The following LIPC variants were observed in gnomAD, a reference collection of about 807,000 sequenced individuals.
LIPC encodes lipase C, hepatic type.
LIPC carries 44 observed loss-of-function variants against 50.7 expected under a neutral mutation model. The observed-to-expected ratio is 0.87, with a 90% CI of 0.68 to 1.11. LIPC has a LOEUF of 1.11. LIPC is among the 50% of genes most tolerant of loss of function. The pLI is 0.00. For missense variants in LIPC, 697 were observed against 648.2 expected (o/e 1.08, Z -0.82); for synonymous variants, 271 against 256.4 (o/e 1.06, Z -0.54).
chr15:58,542,290 T>C (rs903094845), intron 3 of LIPC, among the ~76,000 whole-genome samples: 1 of 152,136 alleles, frequency 6.6e-6, no homozygotes, highest in South Asian at 2.1e-4. Context: ...ATCACTTCTG[T>C]AGGGCATTAG....
intron 1 of LIPC, chr15:58,533,321 T>C (rs1377673614): frequency 8.5e-6 from 2 of 236,224 alleles, no homozygotes; most frequent in Non-Finnish European, 1.4e-5. Context: ...CAAATAAGAC[T>C]GCTGGAAAAG....
chr15:58,437,478 A>G (rs1366145336), intron 1 of LIPC, among the ~76,000 whole-genome samples: 2 of 152,228 alleles, frequency 1.3e-5, no homozygotes, highest in Non-Finnish European at 2.9e-5. Context: ...GATTCTAAGT[A>G]TATTTAAAGA....
intron 1 of LIPC, among the ~76,000 whole-genome samples, chr15:58,449,524 G>T (rs1217209764): frequency 1.3e-5 from 2 of 151,808 alleles, no homozygotes; most frequent in African/African-American, 4.8e-5. Flanking sequence ...CATGCAGGTT[G>T]CTGGGAGGAA....
intron 1 of LIPC, among the ~76,000 whole-genome samples, chr15:58,507,936 A>G (rs932801965): frequency 1.3e-5 from 2 of 152,176 alleles, no homozygotes; most frequent in South Asian, 2.1e-4. Flanking sequence ...TACAATGGCC[A>G]TGGACGAAGT....
intron 1 of LIPC, among the ~76,000 whole-genome samples, chr15:58,536,671 C>T (rs762143480): frequency 1.3e-5 from 2 of 152,154 alleles, no homozygotes; most frequent in African/African-American, 2.4e-5. Context: ...TGAGGGCAAG[C>T]TGAGACTCTC....
intron 1 of LIPC, among the ~76,000 whole-genome samples, chr15:58,528,540 G>T (rs546786854): frequency 6.6e-6 from 1 of 152,204 alleles, no homozygotes; most frequent in East Asian, 1.9e-4. Flanking sequence ...ACAGGGTTTG[G>T]CTCTGTCACC....
intron 1 of LIPC, among the ~76,000 whole-genome samples, chr15:58,481,549 A>G (rs564959698): frequency 6.6e-6 from 1 of 152,300 alleles, no homozygotes; most frequent in South Asian, 2.1e-4. Context: ...TCACACCTGT[A>G]CTCCCAGCAC....
rs184190723 is a variant in LIPC at position 58,525,386 on chromosome 15, A to T, written c.89-12947A>T. On this transcript the variant is annotated intron_variant, in intron 1 of 8. Transcript: ENST00000299022. ...TATGAAATAGGACAAATCTTCCCCC[A>T]TAGTCCTTTTTAGTTCAGAGCTCCC... Among the ~76,000 whole-genome samples, 531 of 152,334 alleles carry T rather than the reference A, an allele frequency of 3.5e-3. 1 individual carries two copies. The highest frequency in any genetic ancestry group is 5.0e-3 in the Non-Finnish European group (340 of 68,016).
intron 1 of LIPC, among the ~76,000 whole-genome samples, chr15:58,492,811 C>G (rs1337452949): frequency 1.3e-5 from 2 of 152,198 alleles, no homozygotes; most frequent in Non-Finnish European, 2.9e-5. Flanking sequence ...GGATGGAAAT[C>G]CATAAACAGG....
chr15:58,474,745 G>A (rs1890933816), intron 1 of LIPC, among the ~76,000 whole-genome samples: 2 of 152,136 alleles, frequency 1.3e-5, no homozygotes, highest in South Asian at 4.1e-4. Context: ...TGCCCAGGGT[G>A]AGCATCCTCA....
chr15:58,462,582 G>A (rs891361300), intron 1 of LIPC, among the ~76,000 whole-genome samples: 8 of 152,230 alleles, frequency 5.3e-5, no homozygotes, highest in Middle Eastern at 3.4e-3. Flanking sequence ...AGAAATAAAT[G>A]TCCCCTCTCC....
chr15:58,476,390 G>A (rs1231404956), intron 1 of LIPC, among the ~76,000 whole-genome samples: 2 of 152,218 alleles, frequency 1.3e-5, no homozygotes, highest in Admixed American at 1.3e-4. Context: ...CATCCTCTAA[G>A]GGACAGAAGT....
At chr15:58,450,124 G>T (rs1019521975) in intron 1 of LIPC, among the ~76,000 whole-genome samples, 12 of 152,300 alleles carry the variant, frequency 7.9e-5, no homozygotes, top group Non-Finnish European at 5.9e-5. Context: ...GACCCCCAAG[G>T]AGCTTACTTA....
At chr15:58,469,816 C>T (rs562255807) in intron 1 of LIPC, among the ~76,000 whole-genome samples, 2 of 152,286 alleles carry the variant, frequency 1.3e-5, no homozygotes, top group African/African-American at 4.8e-5. Flanking sequence ...AGGAATGGAA[C>T]AATGGCTAGG....
intron 1 of LIPC, among the ~76,000 whole-genome samples, chr15:58,460,498 A>G (rs1358409514): frequency 6.6e-6 from 1 of 152,232 alleles, no homozygotes; most frequent in African/African-American, 2.4e-5. Flanking sequence ...CAGACACTCT[A>G]CCAAGCCCTC....
intron 2 of LIPC, among the ~76,000 whole-genome samples, chr15:58,540,512 C>T (rs547080578): frequency 3.7e-4 from 56 of 152,252 alleles, no homozygotes; most frequent in African/African-American, 1.3e-3. Context: ...TAGATTTGAA[C>T]CCAAGATGCT....
chr15:58,557,379 CTTT>C (rs386383140), intron 6 of LIPC, among the ~76,000 whole-genome samples: 6 of 75,692 alleles, frequency 7.9e-5, no homozygotes, highest in Admixed American at 4.3e-4. Context: ...ATTATATGCT[CTTT>C]TTTTTTTTTT....
intron 1 of LIPC, among the ~76,000 whole-genome samples, chr15:58,497,305 G>A (rs556373394): frequency 8.9e-4 from 136 of 152,260 alleles, no homozygotes; most frequent in African/African-American, 3.1e-3. Flanking sequence ...CCTGCCACCC[G>A]TGGTGGGACA....
At chr15:58,480,639 G>A (rs1158247932) in intron 1 of LIPC, among the ~76,000 whole-genome samples, 1 of 152,134 alleles carries the variant, frequency 6.6e-6, no homozygotes, top group Non-Finnish European at 1.5e-5. Context: ...CTTCAGCCCA[G>A]GACTGCCTTG....
Sources: allele counts gnomAD v4.1 joint callset (sites outside exome capture counted in the v4.1 genomes callset), GRCh38; gene constraint gnomAD v4.1.1; transcripts MANE v1.5; gene names NCBI Gene and HGNC (gene_info 2026-07-23, HGNC 2026-07-21).